The following LATS2 variants were observed in gnomAD, a reference collection of about 807,000 sequenced individuals.
LATS2 encodes serine/threonine-protein kinase LATS2.
LATS2 carries 24 observed loss-of-function variants against 76.0 expected under a neutral mutation model. The observed-to-expected ratio is 0.32, with a 90% CI of 0.23 to 0.44. The LOEUF is 0.44. Ranked by LOEUF, LATS2 falls within the 20% of genes least tolerant of loss-of-function variation. LATS2 has a pLI of 1.00. For synonymous variants in LATS2, 692 were observed against 635.4 expected (o/e 1.09, Z -1.34); for missense variants, 1,286 against 1,481.2 (o/e 0.87, Z 2.16).
chr13:21,022,499 T>C (rs925456994), intron 2 of LATS2, among the ~76,000 whole-genome samples: 1 of 152,192 alleles, frequency 6.6e-6, no homozygotes, highest in Admixed American at 6.5e-5. Flanking sequence ...CCTGCAAAGA[T>C]TGGTCCAGGT....
intron 2 of LATS2, among the ~76,000 whole-genome samples, chr13:21,003,845 A>T (rs1871152801): frequency 6.6e-6 from 1 of 152,196 alleles, no homozygotes. Flanking sequence ...AAGTGCTGGG[A>T]GTACAGGCAT....
At chr13:21,035,298 T>C (rs1268197832) in intron 2 of LATS2, among the ~76,000 whole-genome samples, 1 of 152,098 alleles carries the variant, frequency 6.6e-6, no homozygotes, top group Non-Finnish European at 1.5e-5. Context: ...ATAACCCTAG[T>C]AAAAATAGTT....
intron 2 of LATS2, among the ~76,000 whole-genome samples, chr13:21,043,595 C>T (rs551449464): frequency 6.6e-6 from 1 of 152,218 alleles, no homozygotes; most frequent in Admixed American, 6.5e-5. Context: ...ATTTCAAGGG[C>T]ATTAAATATG....
At chr13:20,982,634 G>C (rs949183875) in intron 5 of LATS2, among the ~76,000 whole-genome samples, 15 of 152,054 alleles carry the variant, frequency 9.9e-5, no homozygotes, top group African/African-American at 2.9e-4. Flanking sequence ...TTTAAGGCTT[G>C]CTTTAATGAG....
intron 1 of LATS2, among the ~76,000 whole-genome samples, chr13:21,052,231 CTAAT>C (rs1873295092): frequency 6.6e-6 from 1 of 152,146 alleles, no homozygotes; most frequent in Non-Finnish European, 1.5e-5. Context: ...ATCACCATTA[CTAAT>C]TAAAGATTTA....
intron 3 of LATS2, among the ~76,000 whole-genome samples, chr13:20,990,341 ATG>A (rs1180834721): frequency 1.3e-5 from 2 of 151,984 alleles, no homozygotes; most frequent in Non-Finnish European, 2.9e-5. Flanking sequence ...GAAAACAAAA[ATG>A]TGTGTCCTTT....
rs1007227341 is a variant in LATS2 at position 20,976,419 on chromosome 13, G to A, written c.2773-1055C>T. Among the ~76,000 whole-genome samples the A allele has an allele frequency of 7.9e-5, 12 of 152,230 alleles. 1 individual carries two copies. The South Asian group carries it at 1.2e-3, about 16-fold the overall frequency. The stretch of plus-strand genomic sequence containing the variant: ...TGATTTCTTAGACATGCCACCAAAA[G>A]CACAGGGAATAAAAGAAAAAATAAA... On this transcript the variant is annotated intron_variant, in intron 7 of 7. Transcript: ENST00000382592.
At chr13:21,019,764 A>G (rs1871973985) in intron 2 of LATS2, among the ~76,000 whole-genome samples, 1 of 145,824 alleles carries the variant, frequency 6.9e-6, no homozygotes, top group Non-Finnish European at 1.5e-5. Flanking sequence ...ACCTGAGGTC[A>G]GGAGTTCGAG....
At chr13:20,981,347 A>G in intron 6 of LATS2, 119 bp downstream of exon 6, 1 of 918,774 alleles carries the variant, frequency 1.1e-6, no homozygotes, top group African/African-American at 1.7e-5. Context: ...TCAGGCTTCT[A>G]TGAGGACAAA....
rs114039491 is a variant in LATS2 at position 21,000,503 on chromosome 13, G to A, written c.343-9099C>T. ...AAAGTTATTAAGTTTTTTTTATCCCGATTTAATGATTTTACTTCTTGAAAT... is the reference window on the plus strand; with the variant it reads ...AAAGTTATTAAGTTTTTTTTATCCCAATTTAATGATTTTACTTCTTGAAAT... On this transcript the variant is annotated intron_variant, in intron 2 of 7. Transcript: ENST00000382592. Among the ~76,000 whole-genome samples, 822 of 151,984 alleles carry A rather than the reference G, an allele frequency of 5.4e-3. 9 individuals are homozygous for A. The highest frequency in any genetic ancestry group is 0.019 in the African/African-American group (791 of 41,430).
At chr13:21,052,979 G>A (rs1873328190) in intron 1 of LATS2, among the ~76,000 whole-genome samples, 1 of 152,086 alleles carries the variant, frequency 6.6e-6, no homozygotes, top group South Asian at 2.1e-4. Context: ...GCTCACGCCT[G>A]TAATCCCAGC....
chr13:21,053,035 G>A (rs982957042), intron 1 of LATS2, among the ~76,000 whole-genome samples: 4 of 151,976 alleles, frequency 2.6e-5, no homozygotes, highest in Non-Finnish European at 4.4e-5. Flanking sequence ...AGGAGATCGA[G>A]ACCATCCTGG....
chr13:21,007,292 C>A (rs1871295698), intron 2 of LATS2, among the ~76,000 whole-genome samples: 1 of 151,060 alleles, frequency 6.6e-6, no homozygotes, highest in Admixed American at 6.6e-5. Flanking sequence ...TTGGCTGTTA[C>A]CCTACCAATT....
intron 2 of LATS2, among the ~76,000 whole-genome samples, chr13:21,013,776 G>C (rs573989658): frequency 6.6e-6 from 1 of 152,030 alleles, no homozygotes; most frequent in Non-Finnish European, 1.5e-5. Context: ...GGCCATCCTG[G>C]GCAACACAGC....
In LATS2 at chr13:21,049,650, G is replaced by C. The variant is rs140019171; in HGVS notation, c.-204-3420C>G. On this transcript the variant is annotated intron_variant, in intron 1 of 7. Transcript: ENST00000382592. ...TTCACTCAGCTATGAAAGGACAAGAGCCACAAGAGACACTGCAGACTGAAG... is the reference window on the plus strand; with the variant it reads ...TTCACTCAGCTATGAAAGGACAAGACCCACAAGAGACACTGCAGACTGAAG... Among the ~76,000 whole-genome samples, 738 of 152,312 alleles carry C rather than the reference G, an allele frequency of 4.8e-3. 2 individuals carry two copies. Among genetic ancestry groups the C allele is most frequent in the Non-Finnish European group, 7.5e-3 (510 of 68,030 alleles).
At chr13:20,982,819 C>T (rs915096536) in intron 5 of LATS2, among the ~76,000 whole-genome samples, 4 of 150,788 alleles carry the variant, frequency 2.7e-5, no homozygotes, top group African/African-American at 9.7e-5. Context: ...CGGAGAAACC[C>T]CGTCTCTACT....
intron 6 of LATS2, 47 bp from the exon 7 acceptor site, chr13:20,979,844 T>G: frequency 5.7e-6 from 6 of 1,053,440 alleles, no homozygotes; most frequent in Non-Finnish European, 8.7e-6. Flanking sequence ...TGAATTCTCC[T>G]CCGAGGTGAA....
chr13:20,975,049 T>A lies in LATS2; in HGVS notation c.3088A>T (p.Asn1030Tyr), dbSNP rs750834638. The A allele has an allele frequency of 5.6e-6, 9 of 1,614,232 alleles. No homozygotes were observed. The highest frequency in any genetic ancestry group is 1.7e-5 in the Admixed American group (1 of 60,028). Residue 1030 changes from asparagine (N) to tyrosine (Y), a missense_variant, in exon 8 of 8, where the codon AAC (asparagine) becomes TAC (tyrosine). Asn to Tyr is a moderately radical substitution (Grantham distance 143, BLOSUM62 -2). Around this residue, in one of 5 missense-constraint regions of LATS2, gnomAD observed 210 missense variants for 234.9 expected, o/e 0.89. Transcript: ENST00000382592. ...KAWDTLTSPN[N>Y]KHPEHAFYEF... ...TAAAATGCGTGCTCAGGATGCTTGT[T>A]ATTGGGCGAGGTGAGTGTGTCCCAG...
At position 21,019,298 on chromosome 13, in the gene LATS2, G is replaced by GTTA. The variant is rs72479904; in HGVS notation, c.342+26384_342+26386dup. Among the ~76,000 whole-genome samples the GTTA allele has an allele frequency of 7.9e-3, 1,145 of 144,542 alleles. 7 individuals are homozygous for GTTA. Among genetic ancestry groups the GTTA allele is most frequent in the Middle Eastern group, 0.025 (7 of 276 alleles). 94.8% of individuals were successfully genotyped at this position (144,542 alleles called of 152,430 possible). A position where few individuals can be genotyped will look rare whatever the true frequency, so the allele number is the denominator to read the frequency against. Reference sequence around the variant, plus strand: ...TCACTTTGTATTCTCACTTGGATTTGTTATTATTATTATTATTATTATTAT... The same window carrying GTTA: ...TCACTTTGTATTCTCACTTGGATTTGTTATTATTATTATTATTATTATTATTAT... On this transcript the variant is annotated intron_variant, in intron 2 of 7. Coordinates refer to ENST00000382592, the MANE Select transcript of LATS2 (RefSeq NM_014572.3).
Sources: gnomAD v4.1 joint callset for allele counts (sites outside exome capture counted in the v4.1 genomes callset) on GRCh38, gnomAD v4.1.1 for gene constraint, gnomAD v4.1.1 regional missense constraint, MANE v1.5 for transcripts, NCBI Gene and HGNC (gene_info 2026-07-23, HGNC 2026-07-21) for gene names.